IRAG1: variants seen among roughly 807,000 people sequenced by gnomAD.
The protein encoded by IRAG1 is inositol 1,4,5-triphosphate receptor associated 1.
A neutral mutation model predicts 106.2 loss-of-function variants in IRAG1; 62 were observed. The ratio of observed to expected loss-of-function variants is 0.58; its 90% confidence interval spans 0.48 to 0.72. IRAG1 has a LOEUF of 0.72. IRAG1 is among the 30% of genes least tolerant of loss of function. The pLI, the probability that IRAG1 is intolerant of heterozygous loss-of-function variation, is 0.00. For missense variants in IRAG1, 1,064 were observed against 1,140.7 expected, an observed-to-expected ratio of 0.93 and a Z score of 0.97; for synonymous variants, 462 against 443.9, an observed-to-expected ratio of 1.04 and a Z score of -0.51.
intron 1 of IRAG1, chr11:10,687,738 G>C: frequency 1.6e-6 from 2 of 1,289,128 alleles, no homozygotes; most frequent in Non-Finnish European, 1.0e-6. Flanking sequence ...TGGATGGTCA[G>C]AGCCTCAAAC....
intron 13 of IRAG1, among the ~76,000 whole-genome samples, chr11:10,603,728 G>A (rs938349999): frequency 2.0e-5 from 3 of 151,622 alleles, no homozygotes; most frequent in Non-Finnish European, 2.9e-5. Context: ...GGGCCTGGGC[G>A]AGGTGATTAG....
chr11:10,643,457 A>G (rs913059191), intron 2 of IRAG1, among the ~76,000 whole-genome samples: 1 of 152,236 alleles, frequency 6.6e-6, no homozygotes, highest in Non-Finnish European at 1.5e-5. Flanking sequence ...TCAGATATAA[A>G]GAACAACTGC....
chr11:10,666,626 T>C (rs1479135764), intron 1 of IRAG1, among the ~76,000 whole-genome samples: 2 of 152,262 alleles, frequency 1.3e-5, no homozygotes, highest in Non-Finnish European at 2.9e-5. Flanking sequence ...ATACATGCAA[T>C]AGCTCTGCTT....
At chr11:10,589,668 C>A (rs759432734) in intron 18 of IRAG1, among the ~76,000 whole-genome samples, 4 of 152,190 alleles carry the variant, frequency 2.6e-5, no homozygotes, top group Non-Finnish European at 5.9e-5. Context: ...GATGCCCTCA[C>A]CTCTTTGCAA....
intron 20 of IRAG1, among the ~76,000 whole-genome samples, chr11:10,577,625 T>TACAC (rs1289101475): frequency 1.3e-5 from 2 of 152,190 alleles, no homozygotes; most frequent in Non-Finnish European, 2.9e-5. Context: ...CTGAGGCTCA[T>TACAC]ACACACACAG....
chr11:10,629,717 G>A lies in IRAG1; in HGVS notation c.401-6C>T. ...AATGATGTGCCCCGCGGGGTCTGCA[G>A]AAGGAGGATGAGCTGGGGTGAGAGC... On this transcript the variant is annotated splice_region_variant and splice_polypyrimidine_tract_variant and intron_variant, in intron 4 of 20. Transcript: ENST00000423302. 6.2e-7 allele frequency: 1 copy of A among 1,612,108 alleles called. No individual in the cohort carries two copies. Among genetic ancestry groups the A allele is most frequent in the Non-Finnish European group, 8.5e-7 (1 of 1,178,932 alleles).
intron 1 of IRAG1, among the ~76,000 whole-genome samples, chr11:10,676,407 A>C (rs1167646050): frequency 1.3e-5 from 2 of 152,188 alleles, no homozygotes; most frequent in African/African-American, 4.8e-5. Flanking sequence ...CACATCCATC[A>C]TACTTGTGCT....
chr11:10,680,251 C>A (rs1861047552), intron 1 of IRAG1, among the ~76,000 whole-genome samples: 1 of 118,066 alleles, frequency 8.5e-6, no homozygotes. Flanking sequence ...CCAGTCTGGG[C>A]AACAAGAATG....
At chr11:10,654,575 G>A (rs1004687194) in intron 1 of IRAG1, among the ~76,000 whole-genome samples, 3 of 152,182 alleles carry the variant, frequency 2.0e-5, no homozygotes, top group Admixed American at 1.3e-4. Flanking sequence ...CAAGGGGCTG[G>A]TGACATAAAG....
chr11:10,619,827 A>C (rs1034825450), intron 10 of IRAG1, among the ~76,000 whole-genome samples: 2 of 152,248 alleles, frequency 1.3e-5, no homozygotes, highest in African/African-American at 4.8e-5. Flanking sequence ...TTAAGCATCC[A>C]GACCCTAGAA....
intron 2 of IRAG1, among the ~76,000 whole-genome samples, chr11:10,643,124 T>A (rs532806615): frequency 0.02 from 2,752 of 137,428 alleles, 93 homozygotes; most frequent in African/African-American, 0.073. Flanking sequence ...ACAGTGAGCC[T>A]GATCGTGCCA....
chr11:10,573,344 A>T lies in IRAG1; in HGVS notation c.*2988T>A, dbSNP rs1850679822. On this transcript the variant is annotated 3_prime_UTR_variant, in exon 21 of 21. Transcript: ENST00000423302. The stretch of plus-strand genomic sequence containing the variant: ...ACACAAACACATCACTCTGCAACTG[A>T]AGGCAGGGAACCAGACTCCTAGGGC... 1 of 152,174 alleles carries T rather than the reference A, an allele frequency of 6.6e-6. No homozygotes were observed. The highest frequency in any genetic ancestry group is 1.5e-5 in the Non-Finnish European group (1 of 68,054). The allele number at this position is 152,174 out of a possible 1,614,324, so 9.4% of individuals were successfully genotyped here. A position where few individuals can be genotyped will look rare whatever the true frequency, so the allele number is the denominator to read the frequency against.
At chr11:10,682,254 A>G (rs1861316823) in intron 1 of IRAG1, among the ~76,000 whole-genome samples, 1 of 152,248 alleles carries the variant, frequency 6.6e-6, no homozygotes, top group South Asian at 2.1e-4. Flanking sequence ...GCACATTATT[A>G]TTACTCTTGT....
chr11:10,669,637 G>T (rs1860062335), intron 1 of IRAG1, among the ~76,000 whole-genome samples: 1 of 152,196 alleles, frequency 6.6e-6, no homozygotes, highest in Non-Finnish European at 1.5e-5. Context: ...CTCCCCCGAG[G>T]CCAGATGAAA....
chr11:10,612,892 C>A (rs1193579665), intron 10 of IRAG1, among the ~76,000 whole-genome samples: 1 of 151,614 alleles, frequency 6.6e-6, no homozygotes, highest in African/African-American at 2.4e-5. Context: ...AATTAAAGAC[C>A]AAAATAAAAG....
At chr11:10,653,279 G>C (rs1360986369) in intron 1 of IRAG1, among the ~76,000 whole-genome samples, 1 of 152,342 alleles carries the variant, frequency 6.6e-6, no homozygotes, top group African/African-American at 2.4e-5. Flanking sequence ...AACAGAACTG[G>C]AGCCCTGATT....
chr11:10,649,214 GGA>G (rs996537169), intron 2 of IRAG1, among the ~76,000 whole-genome samples: 1 of 152,208 alleles, frequency 6.6e-6, no homozygotes, highest in African/African-American at 2.4e-5. Context: ...TGCAATAGTG[GGA>G]GAAGCACTTT....
chr11:10,688,285 C>A (rs1861812347), intron 1 of IRAG1, among the ~76,000 whole-genome samples: 1 of 152,072 alleles, frequency 6.6e-6, no homozygotes, highest in Non-Finnish European at 1.5e-5. Context: ...ACTGTGCTGC[C>A]TCCATTACAA....
At chr11:10,645,219 G>T (rs924407508) in intron 2 of IRAG1, among the ~76,000 whole-genome samples, 1 of 152,172 alleles carries the variant, frequency 6.6e-6, no homozygotes, top group Non-Finnish European at 1.5e-5. Context: ...CCATGTGTAT[G>T]TGAATAATCA....
Sources: allele counts gnomAD v4.1 joint callset (sites outside exome capture counted in the v4.1 genomes callset), GRCh38; gene constraint gnomAD v4.1.1; transcripts MANE v1.5; gene names NCBI Gene and HGNC (gene_info 2026-07-23, HGNC 2026-07-21).